ZFYVE16: variants seen among roughly 807,000 people sequenced by gnomAD.
The protein encoded by ZFYVE16 is zinc finger FYVE-type containing 16.
Under a neutral mutation model 138.1 loss-of-function variants are expected in ZFYVE16, and 89 were observed. That is an observed-to-expected ratio of 0.64 (90% CI 0.54 to 0.77). The LOEUF is 0.77. Ranked by LOEUF, ZFYVE16 falls within the 30% of genes least tolerant of loss-of-function variation. The pLI, the probability that ZFYVE16 is intolerant of heterozygous loss-of-function variation, is 0.00. For synonymous variants in ZFYVE16, 596 were observed against 618.3 expected (o/e 0.96, Z 0.53); for missense variants, 1,793 against 1,786.7 (o/e 1.00, Z -0.06).
chr5:80,419,586 C>T (rs1276404655), intron 1 of ZFYVE16, among the ~76,000 whole-genome samples: 21 of 151,630 alleles, frequency 1.4e-4, no homozygotes, highest in African/African-American at 4.8e-4. Context: ...ACCATGTTGG[C>T]CAGGCTGGTC....
Position 80,457,011 on chromosome 5 carries a change from G to A in ZFYVE16, c.3862G>A (p.Ala1288Thr). The change falls in exon 14 of 19, where the codon GCA becomes ACA. Residue 1288 changes from alanine (A) to threonine (T), a missense_variant. Ala to Thr is a moderately conservative substitution (Grantham distance 58). Coordinates refer to ENST00000505560, the MANE Select transcript of ZFYVE16 (RefSeq NM_001284236.3). ...ISIGASFSTEADSHLVCIQND... is the reference protein window; with the variant it reads ...ISIGASFSTETDSHLVCIQND... Reference sequence around the variant, plus strand: ...CATTGGAGCAAGTTTCAGTACAGAAGCAGATTCTCATCTAGTCTGTATACA... The same window carrying A: ...CATTGGAGCAAGTTTCAGTACAGAAACAGATTCTCATCTAGTCTGTATACA... The A allele has an allele frequency of 1.2e-6, 2 of 1,612,786 alleles. No homozygotes were observed. Among genetic ancestry groups the A allele is most frequent in the South Asian group, 1.1e-5 (1 of 90,736 alleles).
At chr5:80,466,998 A>C (rs544807166) in intron 15 of ZFYVE16, among the ~76,000 whole-genome samples, 4 of 152,252 alleles carry the variant, frequency 2.6e-5, no homozygotes, top group African/African-American at 9.6e-5. Flanking sequence ...AAGGGGTTGG[A>C]GCTCCTTCAA....
chr5:80,433,906 A>G (rs1313732120), intron 2 of ZFYVE16, among the ~76,000 whole-genome samples: 1 of 152,128 alleles, frequency 6.6e-6, no homozygotes, highest in Admixed American at 6.5e-5. Context: ...ATATATGCAA[A>G]TATTATGTTG....
Position 80,477,338 on chromosome 5 carries a change from A to G in ZFYVE16, c.4581A>G (p.Glu1527=). 6.2e-7 allele frequency: 1 copy of G among 1,609,388 alleles called. No homozygotes were observed. The highest frequency in any genetic ancestry group is 8.5e-7 in the Non-Finnish European group (1 of 1,178,354). ...CCTCCAACTCTAGTTTACCATTAGA[A>G]ATAGAATTAGTGTTTTTCATTATAG... The part of the protein sequence containing the change: ...GGTSNSSLPL[E]IELVFFIIEH... The change falls in exon 19 of 19, where the codon GAA becomes GAG. Residue 1527 remains glutamate (E), a synonymous_variant. Transcript: ENST00000505560.
At position 80,438,048 on chromosome 5, in the gene ZFYVE16, A is replaced by C. The variant is rs150553241; in HGVS notation, c.1363A>C (p.Lys455Gln). The C allele has an allele frequency of 5.1e-5, 83 of 1,613,988 alleles. No homozygotes were observed. The highest frequency in any genetic ancestry group is 6.9e-5 in the Non-Finnish European group (81 of 1,179,984). Residue 455 changes from lysine to glutamine, a missense_variant, in exon 4 of 19, where the codon AAG (lysine) becomes CAG (glutamine). Transcript: ENST00000505560. ...QSLIEGMEDRKIDPDQTVIRA... is the reference protein window; with the variant it reads ...QSLIEGMEDRQIDPDQTVIRA... ...ATTAATTGAAGGGATGGAAGACAGA[A>C]AGATAGATCCTGACCAGACAGTAAT... is the stretch of plus-strand genomic sequence containing the variant.
In ZFYVE16 at chr5:80,439,289, A is replaced by G. The variant is rs561899612; in HGVS notation, c.2322+282A>G. On this transcript the variant is annotated intron_variant, in intron 4 of 18. Transcript: ENST00000505560. ...GTGACATTTAAGAATATTTGTTCTT[A>G]TCTCTCTAATATTGACACATTAAAT... Among the ~76,000 whole-genome samples the G allele has an allele frequency of 3.3e-5, 5 of 152,224 alleles. No homozygotes were observed. The South Asian group carries it at 1.0e-3, about 31-fold the overall frequency.
chr5:80,425,570 T>C (rs1287875609), intron 1 of ZFYVE16, among the ~76,000 whole-genome samples: 1 of 152,190 alleles, frequency 6.6e-6, no homozygotes, highest in Non-Finnish European at 1.5e-5. Flanking sequence ...TTGCAATGGA[T>C]TGGAGGTGTA....
At chr5:80,408,335 G>A (rs1744911176) in intron 1 of ZFYVE16, among the ~76,000 whole-genome samples, 182 bp downstream of exon 1, 1 of 152,214 alleles carries the variant, frequency 6.6e-6, no homozygotes. Flanking sequence ...GGGGAACCCT[G>A]GCCCTCCAAT....
Position 80,477,200 on chromosome 5 carries a change from G to T in ZFYVE16, c.4462-19G>T, listed in dbSNP as rs773076326. 1 of 1,569,872 alleles carries T rather than the reference G, an allele frequency of 6.4e-7. No individual in the cohort carries two copies. Among genetic ancestry groups the T allele is most frequent in the African/African-American group, 1.4e-5 (1 of 72,472 alleles). ...ACAAGATTGCTCATTTTCTTATCAA[G>T]AATTTTTTTTTTTTCTAGGTTGAAT... On this transcript the variant is annotated intron_variant, in intron 18 of 18. Coordinates refer to ENST00000505560, the MANE Select transcript of ZFYVE16 (RefSeq NM_001284236.3).
rs1156706194 is a variant in ZFYVE16 at position 80,482,330 on chromosome 5, A to G, written c.*4953A>G. On this transcript the variant is annotated 3_prime_UTR_variant, in exon 19 of 19. Coordinates refer to ENST00000505560, the MANE Select transcript of ZFYVE16 (RefSeq NM_001284236.3). Reference sequence around the variant, plus strand: ...AATGAAGATGACTGAGGGAAGAGTCAGTAAATTTGAAGATACATGAGCAGA... The same window carrying G: ...AATGAAGATGACTGAGGGAAGAGTCGGTAAATTTGAAGATACATGAGCAGA... 6.6e-6 allele frequency: 1 copy of G among 152,242 alleles called. No individual in the cohort carries two copies. The highest frequency in any genetic ancestry group is 1.5e-5 in the Non-Finnish European group (1 of 68,052). 9.4% of individuals were successfully genotyped at this position (152,242 alleles called of 1,614,324 possible).
intron 15 of ZFYVE16, among the ~76,000 whole-genome samples, chr5:80,467,336 T>C (rs563007655): frequency 1.1e-4 from 17 of 152,306 alleles, no homozygotes; most frequent in African/African-American, 3.6e-4. Flanking sequence ...AGGTCCTATG[T>C]GTCCACCTCA....
chr5:80,422,708 C>G (rs1388220406), intron 1 of ZFYVE16, among the ~76,000 whole-genome samples: 3 of 152,126 alleles, frequency 2.0e-5, no homozygotes, highest in African/African-American at 4.8e-5. Context: ...CCGTCTCAGC[C>G]TCGCAAAGTA....
Position 80,477,502 on chromosome 5 carries a change from C to A in ZFYVE16, c.*125C>A. 1.2e-6 allele frequency: 1 copy of A among 843,756 alleles called. No individual in the cohort carries two copies. The highest frequency in any genetic ancestry group is 1.7e-6 in the Non-Finnish European group (1 of 598,068). 52.3% of individuals were successfully genotyped at this position (843,756 alleles called of 1,614,324 possible). A position where few individuals can be genotyped will look rare whatever the true frequency, so the allele number is the denominator to read the frequency against. On this transcript the variant is annotated 3_prime_UTR_variant, in exon 19 of 19. Transcript: ENST00000505560. ...TGATTTTTGAAACACATAAGCTTTG[C>A]TCTTTAGGCAGGAATGATCTTTTCA...
chr5:80,455,700 G>A lies in ZFYVE16; in HGVS notation c.3616G>A (p.Ala1206Thr), dbSNP rs770205776. 6 of 1,603,838 alleles carry A rather than the reference G, an allele frequency of 3.7e-6. No homozygotes were observed. The Admixed American group carries it at 1.0e-4, about 28-fold the overall frequency. ...RLGAEYKAYP[A>T]PLTSIRGRKP... ...TCCTTTCTTATGTATAGCATATCCTGCTCCTCTAACAAGCATCAGAGGCCG... is the reference window on the plus strand; with the variant it reads ...TCCTTTCTTATGTATAGCATATCCTACTCCTCTAACAAGCATCAGAGGCCG... The change falls in exon 12 of 19, where the codon GCT becomes ACT. Residue 1206 changes from alanine (A) to threonine (T), a missense_variant. Coordinates refer to ENST00000505560, the MANE Select transcript of ZFYVE16 (RefSeq NM_001284236.3).
chr5:80,448,480 G>A, intron 8 of ZFYVE16, 76 bp downstream of exon 8: 1 of 1,315,274 alleles, frequency 7.6e-7, no homozygotes, highest in Non-Finnish European at 9.8e-7. Context: ...CATATGAAAT[G>A]TATTTTTTTA....
chr5:80,439,040 C>T (rs776730521), intron 4 of ZFYVE16, 33 bp downstream of exon 4: 22 of 1,560,998 alleles, frequency 1.4e-5, no homozygotes, highest in Admixed American at 1.9e-5. Flanking sequence ...GTCTTTTGTT[C>T]TTTTGAGACA....
At position 80,437,628 on chromosome 5, in the gene ZFYVE16, A is replaced by T; in HGVS notation, c.943A>T (p.Asn315Tyr). The T allele has an allele frequency of 6.2e-7, 1 of 1,612,518 alleles. No homozygotes were observed. Among genetic ancestry groups the T allele is most frequent in the Non-Finnish European group, 8.5e-7 (1 of 1,179,518 alleles). ...TCCGAAAAATGAAGATTTATGCTTA[A>T]ATGATTCAAATTCAAGAGATGAAAA... is the stretch of plus-strand genomic sequence containing the variant. ...SLPKNEDLCL[N>Y]DSNSRDENFK... is the part of the protein sequence containing the mutation. The change falls in exon 4 of 19, where the codon AAT becomes TAT. Residue 315 changes from asparagine to tyrosine, a missense_variant. Transcript: ENST00000505560.
intron 1 of ZFYVE16, among the ~76,000 whole-genome samples, chr5:80,414,960 T>C (rs997778110): frequency 1.3e-5 from 2 of 152,206 alleles, no homozygotes; most frequent in Non-Finnish European, 2.9e-5. Flanking sequence ...TTTTCATTCA[T>C]GTGTTGGGCC....
intron 1 of ZFYVE16, among the ~76,000 whole-genome samples, chr5:80,427,043 CTT>C (rs79193578): frequency 1.4e-5 from 2 of 144,664 alleles, no homozygotes; most frequent in African/African-American, 2.5e-5. Flanking sequence ...ATATAAATGT[CTT>C]TTTTTTTTTT....
Sources: allele counts gnomAD v4.1 joint callset (sites outside exome capture counted in the v4.1 genomes callset), GRCh38; gene constraint gnomAD v4.1.1; transcripts MANE v1.5; gene names NCBI Gene and HGNC (gene_info 2026-07-23, HGNC 2026-07-21).